The following PIGR variants were observed in gnomAD, a reference collection of about 807,000 sequenced individuals.
The protein encoded by PIGR is hepatocellular carcinoma associated protein TB6.
Under a neutral mutation model 69.5 loss-of-function variants are expected in PIGR, and 22 were observed. That is an observed-to-expected ratio of 0.32 (90% CI 0.23 to 0.45). The LOEUF is 0.45. Ranked by LOEUF, PIGR falls within the 20% of genes least tolerant of loss-of-function variation. The probability of loss-of-function intolerance (pLI) is 1.00; values close to 1 mark genes in which losing one functional copy is unlikely to be tolerated. For synonymous variants in PIGR, 413 were observed against 407.6 expected (o/e 1.01, Z -0.16); for missense variants, 885 against 974.0 (o/e 0.91, Z 1.22).
At position 206,939,486 on chromosome 1, in the gene PIGR, C is replaced by T. The variant is rs769158129; in HGVS notation, c.44-23G>A. 5.2e-6 allele frequency: 8 copies of T among 1,534,660 alleles called. No homozygotes were observed. The African/African-American group carries it at 1.1e-4, about 21-fold the overall frequency. ...TGGCTGTGGGAACAGAAGAGAGAGG[C>T]TTTCTGAGGCCCTTGGGAGGTAAAG... On this transcript the variant is annotated intron_variant, in intron 2 of 10. Transcript: ENST00000356495.
Position 206,940,585 on chromosome 1 carries a change from C to A in PIGR, c.-53-1G>T. The A allele has an allele frequency of 6.6e-7, 1 of 1,505,840 alleles. No homozygotes were observed. The highest frequency in any genetic ancestry group is 8.9e-7 in the Non-Finnish European group (1 of 1,118,700). 93.3% of individuals were successfully genotyped at this position (1,505,840 alleles called of 1,614,324 possible). On this transcript the variant is annotated splice_acceptor_variant, in intron 1 of 10. Transcript: ENST00000356495. LOFTEE classifies it low-confidence loss of function (5UTR_SPLICE). ...TCAGGCCGACTTCTCCTGTGCAATG[C>A]TGAAAAACAATAATCACAAGGAGAT...
In PIGR at chr1:206,931,543, G is replaced by T. The variant is rs770241578; in HGVS notation, c.2153C>A (p.Thr718Asn). The change falls in exon 10 of 11, where the codon ACC (threonine) becomes AAC (asparagine). Residue 718 changes from threonine (T) to asparagine (N), a missense_variant. By Grantham distance (65) the Thr-to-Asn change is moderately conservative. Coordinates refer to ENST00000356495, the MANE Select transcript of PIGR (RefSeq NM_002644.4). ...SLGGKEEFVA[T>N]TESTTETKEP... is the part of the protein sequence containing the mutation. ...TTTGGTCTCTGTGGTGCTCTCAGTGGTGGCAACAAACTCTGTGTGAAGAAA... is the reference window on the plus strand; with the variant it reads ...TTTGGTCTCTGTGGTGCTCTCAGTGTTGGCAACAAACTCTGTGTGAAGAAA... 6.2e-7 allele frequency: 1 copy of T among 1,613,996 alleles called. No homozygotes were observed. The highest frequency in any genetic ancestry group is 2.2e-5 in the East Asian group (1 of 44,874).
intron 4 of PIGR, 112 bp downstream of exon 4, chr1:206,936,983 G>T: frequency 2.8e-6 from 3 of 1,067,198 alleles, no homozygotes; most frequent in Non-Finnish European, 3.9e-6. Context: ...GTCATTGAGT[G>T]GATGCTGTTG....
intron 3 of PIGR, 32 bp downstream of exon 3, chr1:206,939,087 C>T: frequency 6.5e-7 from 1 of 1,549,758 alleles, no homozygotes; most frequent in Non-Finnish European, 8.8e-7. Flanking sequence ...CTCTAACTTT[C>T]CCCCAGAAGC....
In PIGR at chr1:206,937,088, G is replaced by T; in HGVS notation, c.1045+7C>A. On this transcript the variant is annotated splice_region_variant and intron_variant, in intron 4 of 10. Coordinates refer to ENST00000356495, the MANE Select transcript of PIGR (RefSeq NM_002644.4). ...CACCTACTCCCCCTCCCTCTCTAGG[G>T]TCTTACCCTCATTGACGAAGAGTTG... is the stretch of plus-strand genomic sequence containing the variant. The T allele has an allele frequency of 6.3e-7, 1 of 1,585,252 alleles. No individual in the cohort carries two copies. The highest frequency in any genetic ancestry group is 8.6e-7 in the Non-Finnish European group (1 of 1,165,586).
At position 206,933,194 on chromosome 1, in the gene PIGR, T is replaced by G. The variant is rs1390319886; in HGVS notation, c.1706-28A>C. The G allele has an allele frequency of 3.7e-6, 6 of 1,610,230 alleles. 1 individual carries two copies. In the Admixed American group the frequency reaches 1.0e-4, roughly 27 times the overall value. On this transcript the variant is annotated intron_variant, in intron 6 of 10. Coordinates refer to ENST00000356495, the MANE Select transcript of PIGR (RefSeq NM_002644.4). ...GCAGCAGGGAAGAGTGGGCCTGGGT[T>G]GTGATTTTTCTCTATGCTCTTACTC...
At chr1:206,941,126 T>G (rs897315001) in intron 1 of PIGR, among the ~76,000 whole-genome samples, 2 of 152,250 alleles carry the variant, frequency 1.3e-5, no homozygotes, top group Admixed American at 6.5e-5. Context: ...TCTCAGGCAC[T>G]GTGTTGAATA....
chr1:206,933,008 T>C lies in PIGR; in HGVS notation c.1864A>G (p.Arg622Gly). The C allele has an allele frequency of 6.2e-7, 1 of 1,614,212 alleles. No homozygotes were observed. Among genetic ancestry groups the C allele is most frequent in the Non-Finnish European group, 8.5e-7 (1 of 1,180,046 alleles). The change falls in exon 7 of 11, where the codon AGA becomes GGA. Residue 622 changes from arginine to glycine, a missense_variant. Physicochemically the swap from Arg to Gly is moderately radical, Grantham distance 125. Transcript: ENST00000356495. ...TACCTGCCGGAATCCACAGATGCTCTGCTCCCATCGGCTTGATCTCTTGTA... is the reference window on the plus strand; with the variant it reads ...TACCTGCCGGAATCCACAGATGCTCCGCTCCCATCGGCTTGATCTCTTGTA... ...ADTRDQADGS[R>G]ASVDSGSSEE...
At chr1:206,931,027 G>C in intron 10 of PIGR, 1 of 985,406 alleles carries the variant, frequency 1.0e-6, no homozygotes. Flanking sequence ...GGGGCTTCAA[G>C]AGAAGTGAGC....
intron 4 of PIGR, 129 bp downstream of exon 4, chr1:206,936,966 G>A (rs1177964351): frequency 3.0e-5 from 27 of 901,654 alleles, no homozygotes; most frequent in Middle Eastern, 2.9e-4. Flanking sequence ...CCTCCAGTTC[G>A]GGGCTGGTCA....
At position 206,930,173 on chromosome 1, in the gene PIGR, G is replaced by A. The variant is rs1037944771; in HGVS notation, c.*145C>T. Reference sequence around the variant, plus strand: ...GCCAGGCTTTGATGTCACTGAGGAGGGGACCAGCACGCCTCTGAGGACAGT... The same window carrying A: ...GCCAGGCTTTGATGTCACTGAGGAGAGGACCAGCACGCCTCTGAGGACAGT... On this transcript the variant is annotated 3_prime_UTR_variant, in exon 11 of 11. Coordinates refer to ENST00000356495, the MANE Select transcript of PIGR (RefSeq NM_002644.4). The surrounding 1 kb of genome is among the most constrained non-coding windows in gnomAD (Gnocchi z 4.3). 1.8e-6 allele frequency: 1 copy of A among 563,878 alleles called. No individual in the cohort carries two copies. The highest frequency in any genetic ancestry group is 3.0e-6 in the Non-Finnish European group (1 of 336,988). The allele number at this position is 563,878 out of a possible 1,614,324, so 34.9% of individuals were successfully genotyped here.
At position 206,937,108 on chromosome 1, in the gene PIGR, G is replaced by A. The variant is rs1471740109; in HGVS notation, c.1032C>T (p.Leu344=). ...CTAGGGTCTTACCCTCATTGACGAA[G>A]AGTTGCCAGGCCTGGATAGGCGAGC... is the stretch of plus-strand genomic sequence containing the variant. ...QEGSPIQAWQ[L]FVNEESTIPR... is the part of the protein sequence containing the mutation. The change falls in exon 4 of 11, where the codon CTC becomes CTT. Residue 344 remains leucine, a synonymous_variant. Coordinates refer to ENST00000356495, the MANE Select transcript of PIGR (RefSeq NM_002644.4). 3.1e-6 allele frequency: 5 copies of A among 1,598,466 alleles called. No individual in the cohort carries two copies. The South Asian group carries it at 3.4e-5, about 11-fold the overall frequency.
Position 206,939,227 on chromosome 1 carries a change from C to T in PIGR, c.280G>A (p.Val94Met). The T allele has an allele frequency of 6.2e-7, 1 of 1,614,204 alleles. No homozygotes were observed. Among genetic ancestry groups the T allele is most frequent in the Non-Finnish European group, 8.5e-7 (1 of 1,180,030 alleles). Residue 94 changes from valine to methionine, a missense_variant, in exon 3 of 11, where the codon GTG becomes ATG. Coordinates refer to ENST00000356495, the MANE Select transcript of PIGR (RefSeq NM_002644.4). ...LTNFPENGTF[V>M]VNIAQLSQDD... is the part of the protein sequence containing the mutation. ...TGGCTCAGCTGGGCAATGTTCACCA[C>T]AAATGTGCCGTTCTCCGGGAAGTTG...
chr1:206,933,148 A>G lies in PIGR; in HGVS notation c.1724T>C (p.Leu575Pro). 1 of 1,614,160 alleles carries G rather than the reference A, an allele frequency of 6.2e-7. No homozygotes were observed. Among genetic ancestry groups the G allele is most frequent in the Middle Eastern group, 1.7e-4 (1 of 6,060 alleles). The change falls in exon 7 of 11, where the codon CTA becomes CCA. Residue 575 changes from leucine to proline, a missense_variant. Transcript: ENST00000356495. Reference protein sequence around the residue: ...RKAAGSRDVSLAKADAAPDEK... With the variant: ...RKAAGSRDVSPAKADAAPDEK... The stretch of plus-strand genomic sequence containing the variant: ...ATCAGGAGCAGCGTCTGCCTTCGCT[A>G]GGCTGACATCGCGGGACCCTGCAGC...
At chr1:206,943,075 C>T (rs750602158) in intron 1 of PIGR, among the ~76,000 whole-genome samples, 57 of 152,118 alleles carry the variant, frequency 3.7e-4, no homozygotes, top group Middle Eastern at 3.2e-3. Context: ...ATTCAAATCT[C>T]GGGAGACCTC....
chr1:206,931,740 C>T lies in PIGR; in HGVS notation c.2071G>A (p.Glu691Lys). Reference protein sequence around the residue: ...ISMSDFENSREFGANDNMGAS... With the variant: ...ISMSDFENSRKFGANDNMGAS... ...CCCATGTTGTCATTGGCTCCAAATT[C>T]CCTGGAGTTCTCGAAGTCTGACATG... The change falls in exon 9 of 11, where the codon GAA (glutamate) becomes AAA (lysine). Residue 691 changes from glutamate (E) to lysine (K), a missense_variant. Physicochemically the swap from Glu to Lys is moderately conservative, Grantham distance 56. Coordinates refer to ENST00000356495, the MANE Select transcript of PIGR (RefSeq NM_002644.4). 6.2e-7 allele frequency: 1 copy of T among 1,614,086 alleles called. No homozygotes were observed. The highest frequency in any genetic ancestry group is 2.2e-5 in the East Asian group (1 of 44,884).
At chr1:206,942,794 C>G (rs1267827862) in intron 1 of PIGR, among the ~76,000 whole-genome samples, 2 of 152,192 alleles carry the variant, frequency 1.3e-5, no homozygotes, top group Non-Finnish European at 2.9e-5. Context: ...ACCCATTACC[C>G]TCTGCATGGT....
In PIGR at chr1:206,939,300, G is replaced by A. The variant is rs779271115; in HGVS notation, c.207C>T (p.Ser69=). 2 of 1,614,242 alleles carry A rather than the reference G, an allele frequency of 1.2e-6. No homozygotes were observed. The highest frequency in any genetic ancestry group is 8.5e-7 in the Non-Finnish European group (1 of 1,180,048). ...ATTTGCTGGAGACGTAGCCCTCCGA[G>A]GAGATGAGGGTTATGCAGCCACCTC... ...GARGGCITLI[S]SEGYVSSKYA... The change falls in exon 3 of 11, where the codon TCC becomes TCT. Residue 69 remains serine (S), a synonymous_variant. Transcript: ENST00000356495.
rs1679892720 is a variant in PIGR at position 206,937,610 on chromosome 1, A to G, written c.530T>C (p.Ile177Thr). Residue 177 changes from isoleucine to threonine, a missense_variant, in exon 4 of 11, where the codon ATC becomes ACC. Coordinates refer to ENST00000356495, the MANE Select transcript of PIGR (RefSeq NM_002644.4). ...KQIGLYPVLV[I>T]DSSGYVNPNY... ...GGGATTTACATAACCACTGGAGTCG[A>G]TGACCAGCACAGGGTACAGGCCTAT... 1.9e-6 allele frequency: 3 copies of G among 1,613,994 alleles called. No homozygotes were observed. Among genetic ancestry groups the G allele is most frequent in the Non-Finnish European group, 2.5e-6 (3 of 1,179,944 alleles).
Sources: gnomAD v4.1 joint callset for allele counts (sites outside exome capture counted in the v4.1 genomes callset) on GRCh38, gnomAD v4.1.1 for gene constraint, Gnocchi (gnomAD v3.1) non-coding constraint, MANE v1.5 for transcripts, NCBI Gene and HGNC (gene_info 2026-07-23, HGNC 2026-07-21) for gene names.